LARP4B: variants seen among roughly 807,000 people sequenced by gnomAD.
LARP4B encodes the protein la-related protein 4B.
A neutral mutation model predicts 89.8 loss-of-function variants in LARP4B; 12 were observed. The observed-to-expected ratio is 0.13, with a 90% CI of 0.09 to 0.22. The LOEUF (loss-of-function observed/expected upper bound fraction) is 0.22, where lower values mean the gene tolerates loss of function less well. LARP4B is among the 10% of genes least tolerant of loss of function. The probability of loss-of-function intolerance (pLI) is 1.00; values close to 1 mark genes in which losing one functional copy is unlikely to be tolerated. For missense variants in LARP4B, 757 were observed against 947.7 expected, an observed-to-expected ratio of 0.80 and a Z score of 2.64; for synonymous variants, 367 against 363.3, an observed-to-expected ratio of 1.01 and a Z score of -0.12.
chr10:858,878 G>A (rs1034614500), intron 5 of LARP4B, among the ~76,000 whole-genome samples: 15 of 152,168 alleles, frequency 9.9e-5, no homozygotes, highest in Admixed American at 5.2e-4. Context: ...TAGGCTGGGC[G>A]CAGTGGCTCA....
chr10:935,860 A>G (rs899049503), upstream of LARP4B, among the ~76,000 whole-genome samples: 1 of 150,482 alleles, frequency 6.6e-6, no homozygotes. Flanking sequence ...CTGGGATTAC[A>G]GGGATGCACC....
intron 1 of LARP4B, among the ~76,000 whole-genome samples, chr10:914,754 T>C (rs1836771378): frequency 6.7e-6 from 1 of 149,632 alleles, no homozygotes; most frequent in Admixed American, 6.7e-5. Context: ...TGAGCCGAGA[T>C]CATGCCACTG....
At chr10:884,048 T>A (rs1835778533) in intron 3 of LARP4B, among the ~76,000 whole-genome samples, 1 of 152,230 alleles carries the variant, frequency 6.6e-6, no homozygotes, top group Non-Finnish European at 1.5e-5. Context: ...TAATCACAGC[T>A]AAAATGTGAA....
At chr10:908,860 C>CG (rs5782566) in intron 1 of LARP4B, among the ~76,000 whole-genome samples, 115 of 151,864 alleles carry the variant, frequency 7.6e-4, no homozygotes, top group Middle Eastern at 6.8e-3. Context: ...GGCTGCAGCA[C>CG]GGGGGGGGCC....
intron 1 of LARP4B, among the ~76,000 whole-genome samples, chr10:902,978 T>C (rs1836386283): frequency 6.6e-6 from 1 of 152,248 alleles, no homozygotes; most frequent in Non-Finnish European, 1.5e-5. Context: ...AATTACCTGG[T>C]TGAAAAGCTA....
At chr10:816,844 T>A (rs1832088355) in intron 15 of LARP4B, among the ~76,000 whole-genome samples, 1 of 152,220 alleles carries the variant, frequency 6.6e-6, no homozygotes, top group African/African-American at 2.4e-5. Flanking sequence ...CCTTAAATTC[T>A]GCCCTAGGAA....
chr10:869,183 AAGC>A (rs1330371892), intron 3 of LARP4B, among the ~76,000 whole-genome samples: 2 of 152,238 alleles, frequency 1.3e-5, no homozygotes, highest in African/African-American at 4.8e-5. Flanking sequence ...AGGCAGTTAA[AAGC>A]AGCAAATTCT....
chr10:928,620 T>C (rs1051805021), intron 1 of LARP4B, among the ~76,000 whole-genome samples: 1 of 152,182 alleles, frequency 6.6e-6, no homozygotes, highest in Non-Finnish European at 1.5e-5. Context: ...GTCTCACTGT[T>C]GTCCAGGATG....
chr10:891,054 CTTTA>C (rs1164654824), intron 1 of LARP4B, among the ~76,000 whole-genome samples: 7 of 151,888 alleles, frequency 4.6e-5, no homozygotes. Flanking sequence ...TAAAATAACA[CTTTA>C]TTTAATACCT....
At chr10:900,520 C>T (rs916682386) in intron 1 of LARP4B, among the ~76,000 whole-genome samples, 16 of 135,136 alleles carry the variant, frequency 1.2e-4, no homozygotes, top group African/African-American at 1.7e-4. Flanking sequence ...ATTGCAGCCT[C>T]GACCTTCTGG....
chr10:926,103 A>C (rs1346995062), intron 1 of LARP4B, among the ~76,000 whole-genome samples: 6 of 152,240 alleles, frequency 3.9e-5, no homozygotes, highest in Admixed American at 3.3e-4. Flanking sequence ...GAGCATTCTT[A>C]TCTCTTTACT....
Position 902,697 on chromosome 10 carries a change from C to T in LARP4B, c.-39-16937G>A, listed in dbSNP as rs186427544. 6.0e-3 allele frequency among the ~76,000 whole-genome samples: 902 copies of T among 150,050 alleles called. 14 individuals are homozygous for T. Among genetic ancestry groups the T allele is most frequent in the South Asian group, 8.9e-3 (42 of 4,738 alleles). Reference sequence around the variant, plus strand: ...TCTCACTCTGTTGCCCAGGCTGGAGCGCAATGGTGCCATCTCAGCTCACTG... The same window carrying T: ...TCTCACTCTGTTGCCCAGGCTGGAGTGCAATGGTGCCATCTCAGCTCACTG... On this transcript the variant is annotated intron_variant, in intron 1 of 17. Coordinates refer to ENST00000316157, the MANE Select transcript of LARP4B (RefSeq NM_015155.3).
At chr10:850,421 CTAAAGA>C (rs1393059142) in intron 5 of LARP4B, among the ~76,000 whole-genome samples, 1 of 152,058 alleles carries the variant, frequency 6.6e-6, no homozygotes, top group Non-Finnish European at 1.5e-5. Context: ...AAGACTATTA[CTAAAGA>C]TAAAGAGAGG....
At chr10:938,360 C>T in the LARP4B span, among the ~76,000 whole-genome samples, 2 of 151,824 alleles carry the variant, frequency 1.3e-5, no homozygotes, top group South Asian at 4.2e-4. Context: ...ACGCCATTCT[C>T]CTGCCTCAGC....
intron 1 of LARP4B, among the ~76,000 whole-genome samples, chr10:892,858 G>T (rs2131959398): frequency 6.8e-6 from 1 of 147,572 alleles, no homozygotes; most frequent in African/African-American, 2.5e-5. Flanking sequence ...TTAATTTAAA[G>T]GACAGCTATT....
chr10:928,739 C>T (rs1387904059), intron 1 of LARP4B, among the ~76,000 whole-genome samples: 3 of 152,094 alleles, frequency 2.0e-5, no homozygotes, highest in African/African-American at 7.2e-5. Flanking sequence ...AGCCACCATG[C>T]CTGGCTAATT....
intron 1 of LARP4B, among the ~76,000 whole-genome samples, chr10:908,032 C>T (rs1157303457): frequency 2.0e-5 from 3 of 152,288 alleles, no homozygotes; most frequent in East Asian, 3.9e-4. Context: ...ATGGTGAAAC[C>T]CCATCTCTAC....
At chr10:851,068 G>C (rs780995604) in intron 5 of LARP4B, among the ~76,000 whole-genome samples, 2 of 151,338 alleles carry the variant, frequency 1.3e-5, no homozygotes, top group Non-Finnish European at 2.9e-5. Context: ...CAGAAGAAAG[G>C]GTAAATTAAA....
At chr10:960,282 A>G in the LARP4B span, among the ~76,000 whole-genome samples, 15 of 152,180 alleles carry the variant, frequency 9.9e-5, no homozygotes, top group East Asian at 5.8e-4. Flanking sequence ...CTAGGCCAGT[A>G]AAATGATTCT....
Sources: allele counts gnomAD v4.1 joint callset (sites outside exome capture counted in the v4.1 genomes callset), GRCh38; gene constraint gnomAD v4.1.1; transcripts MANE v1.5; gene names NCBI Gene and HGNC (gene_info 2026-07-23, HGNC 2026-07-21).